The following GRAMD1B variants were observed in gnomAD, a reference collection of about 807,000 sequenced individuals.
GRAMD1B encodes the protein protein Aster-B.
Under a neutral mutation model 99.7 loss-of-function variants are expected in GRAMD1B, and 37 were observed. The observed-to-expected ratio is 0.37, with a 90% confidence interval of 0.29 to 0.49. The LOEUF is 0.49. GRAMD1B is among the 20% of genes least tolerant of loss of function. The pLI is 0.98. For synonymous variants in GRAMD1B, 427 were observed against 387.6 expected (o/e 1.10, Z -1.19); for missense variants, 888 against 1,009.2 (o/e 0.88, Z 1.63).
chr11:123,508,877 G>A (rs1294623449), intron 2 of GRAMD1B, among the ~76,000 whole-genome samples: 1 of 152,148 alleles, frequency 6.6e-6, no homozygotes, highest in Admixed American at 6.5e-5. Context: ...TAGAGACGGA[G>A]TTTTATTATG....
intron 2 of GRAMD1B, among the ~76,000 whole-genome samples, chr11:123,504,357 A>G (rs1028770765): frequency 1.3e-5 from 2 of 152,188 alleles, no homozygotes; most frequent in Non-Finnish European, 2.9e-5. Flanking sequence ...TATCTCCCTC[A>G]TAGCTGAGTG....
intron 1 of GRAMD1B, among the ~76,000 whole-genome samples, chr11:123,386,822 G>A (rs145715983): frequency 1.1e-4 from 16 of 152,318 alleles, no homozygotes; most frequent in African/African-American, 2.9e-4. Context: ...GGCAGTAGCC[G>A]CAGCTAGGCA....
chr11:123,589,561 A>G (rs1354207248), intron 4 of GRAMD1B, among the ~76,000 whole-genome samples: 1 of 150,556 alleles, frequency 6.6e-6, no homozygotes, highest in Non-Finnish European at 1.5e-5. Context: ...CTCCTGCCTC[A>G]GCCTCCTGAG....
chr11:123,615,148 T>C (rs1322160483), intron 17 of GRAMD1B, among the ~76,000 whole-genome samples: 1 of 152,218 alleles, frequency 6.6e-6, no homozygotes, highest in African/African-American at 2.4e-5. Context: ...CCTGCACAGA[T>C]GGTTAAATGC....
intron 1 of GRAMD1B, among the ~76,000 whole-genome samples, chr11:123,367,968 A>C (rs1946377519): frequency 6.6e-6 from 1 of 151,962 alleles, no homozygotes; most frequent in African/African-American, 2.4e-5. Context: ...AAAGAGGAGG[A>C]GCCAGGGCCG....
At chr11:123,602,743 G>T (rs1952141492) in intron 8 of GRAMD1B, among the ~76,000 whole-genome samples, 1 of 151,938 alleles carries the variant, frequency 6.6e-6, no homozygotes, top group African/African-American at 2.4e-5. Flanking sequence ...GGACACATAG[G>T]CACCCGGTGA....
chr11:123,557,831 G>A (rs1273966636), intron 2 of GRAMD1B, among the ~76,000 whole-genome samples: 1 of 152,112 alleles, frequency 6.6e-6, no homozygotes, highest in Non-Finnish European at 1.5e-5. Flanking sequence ...TTTTGTAGTG[G>A]AAGAAGTAAA....
At chr11:123,561,450 A>G (rs1468842870) in intron 2 of GRAMD1B, among the ~76,000 whole-genome samples, 1 of 152,270 alleles carries the variant, frequency 6.6e-6, no homozygotes, top group African/African-American at 2.4e-5. Context: ...GGATTTGTTT[A>G]TTCTTTGGCT....
In GRAMD1B at chr11:123,510,686, C is replaced by T. The variant is rs182045706; in HGVS notation, c.452+29793C>T. Among the ~76,000 whole-genome samples the T allele has an allele frequency of 3.9e-5, 6 of 152,274 alleles. No individual in the cohort carries two copies. The highest frequency in any genetic ancestry group is 2.1e-4 in the South Asian group (1 of 4,828). ...GAGATCATGGAGCCGGCTGACATGGCGACAGCAAAGGTAGGATGGAAATGC... is the reference window on the plus strand; with the variant it reads ...GAGATCATGGAGCCGGCTGACATGGTGACAGCAAAGGTAGGATGGAAATGC... On this transcript the variant is annotated intron_variant, in intron 2 of 19. Transcript: ENST00000635736. This position sits in a 1 kb window ranked among gnomAD's most constrained non-coding sequence, Gnocchi z 4.3.
intron 7 of GRAMD1B, among the ~76,000 whole-genome samples, chr11:123,597,094 G>A (rs1951360560): frequency 6.6e-6 from 1 of 150,540 alleles, no homozygotes; most frequent in East Asian, 2.0e-4. Context: ...TCCATTGTAT[G>A]TTGGGCTGCA....
At chr11:123,376,123 T>C (rs1468651591) in intron 1 of GRAMD1B, among the ~76,000 whole-genome samples, 1 of 152,060 alleles carries the variant, frequency 6.6e-6, no homozygotes, top group Non-Finnish European at 1.5e-5. Flanking sequence ...AGCTTTGGTA[T>C]ATCAATCTTA....
chr11:123,506,805 ACT>A (rs1300958064), intron 2 of GRAMD1B, among the ~76,000 whole-genome samples: 1 of 150,508 alleles, frequency 6.6e-6, no homozygotes, highest in East Asian at 2.0e-4. Flanking sequence ...GTTTTCTTTG[ACT>A]CTGGGACTTC....
intron 7 of GRAMD1B, 48 bp from the exon 8 acceptor site, chr11:123,600,420 A>G (rs897293820): frequency 8.3e-7 from 1 of 1,202,646 alleles, no homozygotes; most frequent in Non-Finnish European, 1.2e-6. Context: ...CCTCTTAATT[A>G]TATTGTAACT....
chr11:123,431,652 A>C (rs1367363936), intron 1 of GRAMD1B, among the ~76,000 whole-genome samples: 2 of 152,180 alleles, frequency 1.3e-5, no homozygotes, highest in Non-Finnish European at 2.9e-5. Flanking sequence ...TTTCAATCTT[A>C]TTTTATGTTT....
chr11:123,470,510 C>CT (rs61137951), intron 1 of GRAMD1B, among the ~76,000 whole-genome samples: 2 of 102,728 alleles, frequency 1.9e-5, no homozygotes, highest in Admixed American at 2.2e-4. Context: ...TTCTTTCTTT[C>CT]TTTTTTTTTT....
At chr11:123,550,966 C>T (rs1945546680) in intron 2 of GRAMD1B, among the ~76,000 whole-genome samples, 1 of 152,182 alleles carries the variant, frequency 6.6e-6, no homozygotes, top group Non-Finnish European at 1.5e-5. Flanking sequence ...TACATGTCTT[C>T]AGTTGGAAAG....
intron 1 of GRAMD1B, among the ~76,000 whole-genome samples, chr11:123,392,528 T>C (rs1729971835): frequency 6.6e-6 from 1 of 151,874 alleles, no homozygotes; most frequent in South Asian, 2.1e-4. Context: ...AGTCTACCTA[T>C]AAAGCTATGG....
chr11:123,557,365 T>C lies in GRAMD1B; in HGVS notation c.453-20002T>C, dbSNP rs112922495. On this transcript the variant is annotated intron_variant, in intron 2 of 19. Transcript: ENST00000635736. ...TTATTTAATGTGTCCATTTTGAGGG[T>C]AGCAGGCAAATAACATTTTGGTGAC... is the stretch of plus-strand genomic sequence containing the variant. Among the ~76,000 whole-genome samples the C allele has an allele frequency of 7.5e-3, 1,136 of 152,330 alleles. 13 individuals carry two copies. Among genetic ancestry groups the C allele is most frequent in the African/African-American group, 0.024 (988 of 41,576 alleles).
intron 2 of GRAMD1B, among the ~76,000 whole-genome samples, chr11:123,483,927 A>G (rs1274773450): frequency 6.6e-6 from 1 of 152,158 alleles, no homozygotes; most frequent in East Asian, 1.9e-4. Context: ...CAGCTTATCA[A>G]TTTAGACCGA....
Sources: gnomAD v4.1 joint callset for allele counts (sites outside exome capture counted in the v4.1 genomes callset) on GRCh38, gnomAD v4.1.1 for gene constraint, Gnocchi (gnomAD v3.1) non-coding constraint, MANE v1.5 for transcripts, NCBI Gene and HGNC (gene_info 2026-07-23, HGNC 2026-07-21) for gene names.